The following PRG4 variants were observed in gnomAD, a reference collection of about 807,000 sequenced individuals.
The protein encoded by PRG4 is articular superficial zone protein.
Under a neutral mutation model 91.2 loss-of-function variants are expected in PRG4, and 61 were observed. The observed-to-expected ratio is 0.67, with a 90% CI of 0.54 to 0.83. The LOEUF (loss-of-function observed/expected upper bound fraction) is 0.83, where lower values mean the gene tolerates loss of function less well. Among genes scored for constraint, PRG4 ranks in the 40% least tolerant of loss-of-function variants. The probability of loss-of-function intolerance (pLI) is 0.00; values close to 1 mark genes in which losing one functional copy is unlikely to be tolerated. For missense variants in PRG4, 1,564 were observed against 1,714.2 expected, an observed-to-expected ratio of 0.91 and a Z score of 1.55; for synonymous variants, 576 against 614.2, an observed-to-expected ratio of 0.94 and a Z score of 0.92.
intron 5 of PRG4, 125 bp from the exon 6 acceptor site, chr1:186,304,669 C>A: frequency 7.9e-7 from 1 of 1,266,092 alleles, no homozygotes; most frequent in Non-Finnish European, 1.1e-6. Flanking sequence ...GGTCATATTA[C>A]TAATAAAAGC....
intron 11 of PRG4, 113 bp from the exon 12 acceptor site, chr1:186,312,656 A>G (rs1043900180): frequency 1.8e-6 from 2 of 1,139,008 alleles, no homozygotes; most frequent in African/African-American, 3.1e-5. Context: ...ATAACCCTCA[A>G]TAGTTCTACA....
Position 186,312,867 on chromosome 1 carries a change from G to T in PRG4, c.4090G>T (p.Gly1364Cys). 6.2e-7 allele frequency: 1 copy of T among 1,612,630 alleles called. No homozygotes were observed. Among genetic ancestry groups the T allele is most frequent in the Non-Finnish European group, 8.5e-7 (1 of 1,178,686 alleles). ...ISLPNIRKPD[G>C]YDYYAFSKDQ... Reference sequence around the variant, plus strand: ...ACTGCCCAACATCAGAAAACCTGACGGCTATGATTACTATGCCTTTTCTAA... The same window carrying T: ...ACTGCCCAACATCAGAAAACCTGACTGCTATGATTACTATGCCTTTTCTAA... Residue 1364 changes from glycine (G) to cysteine (C), a missense_variant, in exon 12 of 13, where the codon GGC (glycine) becomes TGC (cysteine). By Grantham distance (159) the Gly-to-Cys change is radical. Coordinates refer to ENST00000445192, the MANE Select transcript of PRG4 (RefSeq NM_005807.6).
chr1:186,313,623 T>G (rs908842317), intron 12 of PRG4, 58 bp from the exon 13 acceptor site: 5 of 1,005,474 alleles, frequency 5.0e-6, no homozygotes, highest in Non-Finnish European at 8.0e-6. Context: ...CATAAGTTAT[T>G]TTTTAGTTTG....
rs372831102 is a variant in PRG4 at position 186,307,460 on chromosome 1, C to T, written c.1741C>T (p.Pro581Ser). The T allele has an allele frequency of 2.9e-5, 45 of 1,570,198 alleles. No individual in the cohort carries two copies. In the African/African-American group the frequency reaches 4.3e-4, roughly 15 times the overall value. ...CCCCAAGAAGCCTGCCCCAACTACC[C>T]CCAAGGAGCCTGCACCCACCACTCC... The part of the protein sequence containing the change: ...TTPKKPAPTT[P>S]KEPAPTTPKE... The change falls in exon 7 of 13, where the codon CCC becomes TCC. Residue 581 changes from proline (P) to serine (S), a missense_variant. This residue lies in a region of PRG4 where 1,079 missense variants were observed against 1,162.2 expected (regional missense o/e 0.93). Coordinates refer to ENST00000445192, the MANE Select transcript of PRG4 (RefSeq NM_005807.6).
Position 186,308,428 on chromosome 1 carries a change from TC to T in PRG4, c.2711del (p.Pro904LeufsTer8), listed in dbSNP as rs776884304. Reference protein sequence around the residue: ...KEPGVPTTKTPAATKPEMTTT... With the variant: ...KEPGVPTTKTXAATKPEMTTT... ...AACCTGGTGTACCTACAACTAAGAC[TC>T]CTGCAGCGACTAAACCTGAAATGAC... is the stretch of plus-strand genomic sequence containing the variant. On this transcript the variant is annotated frameshift_variant, in exon 7 of 13. Coordinates refer to ENST00000445192, the MANE Select transcript of PRG4 (RefSeq NM_005807.6). LOFTEE classifies it high-confidence loss of function. 6.2e-7 allele frequency: 1 copy of T among 1,613,810 alleles called. No individual in the cohort carries two copies. Among genetic ancestry groups the T allele is most frequent in the Non-Finnish European group, 8.5e-7 (1 of 1,180,016 alleles).
At chr1:186,309,766 T>G in intron 7 of PRG4, 27 bp from the exon 8 acceptor site, 1 of 1,491,120 alleles carries the variant, frequency 6.7e-7, no homozygotes, top group Non-Finnish European at 9.4e-7. Context: ...TGTTCTATAT[T>G]TGTTTTGTTT....
chr1:186,304,621 A>G (rs1310179280), intron 5 of PRG4, among the ~76,000 whole-genome samples, 173 bp from the exon 6 acceptor site: 3 of 152,352 alleles, frequency 2.0e-5, no homozygotes, highest in East Asian at 3.9e-4. Flanking sequence ...TGATAAGCCC[A>G]GGTGCCTTGC....
chr1:186,298,483 G>T (rs116117296), intron 2 of PRG4, among the ~76,000 whole-genome samples: 10,494 of 151,744 alleles, frequency 0.069, 1,193 homozygotes, highest in African/African-American at 0.24. Context: ...CTGTAAGGAT[G>T]ATTTCCTCTT....
chr1:186,310,903 A>G, intron 8 of PRG4, 131 bp from the exon 9 acceptor site: 2 of 986,900 alleles, frequency 2.0e-6, no homozygotes, highest in Non-Finnish European at 3.1e-6. Context: ...ATGTTCAAAT[A>G]CTACCTTTTG....
intron 8 of PRG4, among the ~76,000 whole-genome samples, chr1:186,310,142 G>GC (rs1553225152): frequency 7.9e-6 from 1 of 126,604 alleles, no homozygotes; most frequent in South Asian, 2.9e-4. Context: ...TTTTGGGGGG[G>GC]GGGGGTAGTT....
In PRG4 at chr1:186,313,174, T is replaced by C. The variant is rs966986658; in HGVS notation, c.4117+280T>C. The C allele has an allele frequency of 1.3e-5, 6 of 461,518 alleles. No individual in the cohort carries two copies. In the East Asian group the frequency reaches 1.5e-4, roughly 12 times the overall value. 28.6% of individuals were successfully genotyped at this position (461,518 alleles called of 1,614,324 possible). On this transcript the variant is annotated intron_variant, in intron 12 of 12. Coordinates refer to ENST00000445192, the MANE Select transcript of PRG4 (RefSeq NM_005807.6). ...AATAGTATTTTACTTCTATCATTTG[T>C]GGCATTTAACAGATACCTTGTTTGG...
chr1:186,301,820 A>G (rs1293528351), intron 4 of PRG4, 109 bp downstream of exon 4: 1 of 1,402,426 alleles, frequency 7.1e-7, no homozygotes, highest in African/African-American at 1.4e-5. Context: ...CCTTGATTTT[A>G]CTAACATATA....
chr1:186,311,949 T>G, intron 10 of PRG4: 1 of 550,504 alleles, frequency 1.8e-6, no homozygotes, highest in East Asian at 3.1e-5. Flanking sequence ...CAATTGAAAT[T>G]AAATATATAA....
intron 9 of PRG4, 135 bp downstream of exon 9, chr1:186,311,305 A>C (rs374485781): frequency 3.5e-6 from 5 of 1,415,278 alleles, no homozygotes; most frequent in Non-Finnish European, 9.9e-7. Context: ...ATAATTCAAC[A>C]GTTTGATAAC....
chr1:186,312,449 G>A, intron 11 of PRG4, 77 bp downstream of exon 11: 1 of 1,331,858 alleles, frequency 7.5e-7, no homozygotes, highest in Non-Finnish European at 1.0e-6. Flanking sequence ...TAAGGCTTAT[G>A]AAATATGGAT....
In PRG4 at chr1:186,312,795, A is replaced by G; in HGVS notation, c.4018A>G (p.Ser1340Gly). Reference sequence around the variant, plus strand: ...TGTCCTTCATAATGAAGTTAAAGTGAGTATACTGTGGAGAGGACTTCCAAA... The same window carrying G: ...TGTCCTTCATAATGAAGTTAAAGTGGGTATACTGTGGAGAGGACTTCCAAA... ...KGVLHNEVKV[S>G]ILWRGLPNVV... Residue 1340 changes from serine (S) to glycine (G), a missense_variant, in exon 12 of 13, where the codon AGT becomes GGT. Around this residue, in one of 3 missense-constraint regions of PRG4, gnomAD observed 1,079 missense variants for 1,162.2 expected, o/e 0.93. Coordinates refer to ENST00000445192, the MANE Select transcript of PRG4 (RefSeq NM_005807.6). 6.2e-7 allele frequency: 1 copy of G among 1,612,882 alleles called. No individual in the cohort carries two copies. The highest frequency in any genetic ancestry group is 8.5e-7 in the Non-Finnish European group (1 of 1,178,890).
At chr1:186,302,280 A>T (rs1282679790) in intron 4 of PRG4, among the ~76,000 whole-genome samples, 2 of 152,192 alleles carry the variant, frequency 1.3e-5, no homozygotes, top group African/African-American at 4.8e-5. Flanking sequence ...CTATTCCAAT[A>T]CATGTGCATG....
chr1:186,300,949 T>C (rs1175849767), intron 3 of PRG4, among the ~76,000 whole-genome samples: 1 of 152,230 alleles, frequency 6.6e-6, no homozygotes, highest in Non-Finnish European at 1.5e-5. Flanking sequence ...TAGGTAATTA[T>C]TTCAAATAAG....
rs1656434654 is a variant in PRG4 at position 186,304,712 on chromosome 1, A to T, written c.470-82A>T. The T allele has an allele frequency of 2.0e-6, 3 of 1,499,394 alleles. No individual in the cohort carries two copies. The South Asian group carries it at 3.5e-5, about 18-fold the overall frequency. The allele number at this position is 1,499,394 out of a possible 1,614,324, so 92.9% of individuals were successfully genotyped here. ...AGATACTTGTAGACTAGTAAATAGC[A>T]CTTCTTGCTGTGTTTAGACTGGTGG... On this transcript the variant is annotated intron_variant, in intron 5 of 12. Transcript: ENST00000445192.
Sources: allele counts gnomAD v4.1 joint callset (sites outside exome capture counted in the v4.1 genomes callset), GRCh38; gene constraint gnomAD v4.1.1; regional missense constraint gnomAD v4.1.1; transcripts MANE v1.5; gene names NCBI Gene and HGNC (gene_info 2026-07-23, HGNC 2026-07-21).